The following ASCC3 variants were observed in gnomAD, a reference collection of about 807,000 sequenced individuals.
ASCC3 encodes ASC-1 complex subunit P200.
A neutral mutation model predicts 256.3 loss-of-function variants in ASCC3; 158 were observed. The observed-to-expected ratio is 0.62, with a 90% confidence interval of 0.54 to 0.70. ASCC3 has a LOEUF of 0.70. Ranked by LOEUF, ASCC3 falls within the 30% of genes least tolerant of loss-of-function variation. The pLI is 0.00. For synonymous variants in ASCC3, 948 were observed against 883.4 expected (o/e 1.07, Z -1.30); for missense variants, 2,259 against 2,626.0 (o/e 0.86, Z 3.05).
intron 8 of ASCC3, among the ~76,000 whole-genome samples, chr6:100,793,974 T>A (rs1211395211): frequency 6.6e-6 from 1 of 152,058 alleles, no homozygotes; most frequent in Non-Finnish European, 1.5e-5. Flanking sequence ...CTATATCTCA[T>A]TCTAAATTCT....
chr6:100,753,344 C>T (rs1781029793), intron 10 of ASCC3, among the ~76,000 whole-genome samples: 1 of 149,550 alleles, frequency 6.7e-6, no homozygotes, highest in Admixed American at 6.7e-5. Context: ...AATAGAATGG[C>T]TATCAGCTAT....
chr6:100,829,875 G>T (rs1582929308), intron 4 of ASCC3, among the ~76,000 whole-genome samples: 1 of 152,060 alleles, frequency 6.6e-6, no homozygotes, highest in African/African-American at 2.4e-5. Context: ...TCTTGGCTTT[G>T]GGGGGCATTA....
chr6:100,804,709 T>G (rs1433509624), intron 5 of ASCC3, among the ~76,000 whole-genome samples: 1 of 152,132 alleles, frequency 6.6e-6, no homozygotes, highest in Non-Finnish European at 1.5e-5. Context: ...AGATACCACT[T>G]CACACCAGCC....
intron 11 of ASCC3, 57 bp from the exon 12 acceptor site, chr6:100,718,308 A>C (rs1779176568): frequency 7.0e-7 from 1 of 1,431,876 alleles, no homozygotes. Flanking sequence ...ACCAAAAAAC[A>C]TTATAATTTG....
intron 11 of ASCC3, among the ~76,000 whole-genome samples, chr6:100,719,256 T>C (rs769045209): frequency 6.6e-6 from 1 of 152,090 alleles, no homozygotes. Flanking sequence ...AGAAATCTTA[T>C]AGATATTGGC....
intron 4 of ASCC3, among the ~76,000 whole-genome samples, chr6:100,838,591 CACA>C (rs1771990798): frequency 6.6e-6 from 1 of 151,982 alleles, no homozygotes; most frequent in Non-Finnish European, 1.5e-5. Context: ...ACTTAATCTA[CACA>C]ACAATTTACA....
intron 13 of ASCC3, among the ~76,000 whole-genome samples, chr6:100,700,178 C>T (rs1037105467): frequency 3.3e-5 from 5 of 152,084 alleles, no homozygotes; most frequent in African/African-American, 1.2e-4. Flanking sequence ...GTTTTGTGGG[C>T]TGAACCCAGG....
intron 7 of ASCC3, 94 bp from the exon 8 acceptor site, chr6:100,798,932 G>C: frequency 8.8e-7 from 1 of 1,130,222 alleles, no homozygotes; most frequent in South Asian, 1.4e-5. Flanking sequence ...AACACTACTG[G>C]TTTTATAACA....
intron 13 of ASCC3, among the ~76,000 whole-genome samples, chr6:100,699,282 T>C (rs982815270): frequency 6.6e-6 from 1 of 152,144 alleles, no homozygotes; most frequent in African/African-American, 2.4e-5. Flanking sequence ...TGTGCTGTTC[T>C]TGTGATAGTG....
At chr6:100,608,043 T>C (rs1306085346) in intron 30 of ASCC3, among the ~76,000 whole-genome samples, 4 of 85,944 alleles carry the variant, frequency 4.7e-5, no homozygotes, top group East Asian at 2.6e-4. Flanking sequence ...TATATATACA[T>C]ACATATACAT....
Position 100,718,121 on chromosome 6 carries a change from G to A in ASCC3, c.2033C>T (p.Pro678Leu). 6.2e-7 allele frequency: 1 copy of A among 1,613,576 alleles called. No homozygotes were observed. Among genetic ancestry groups the A allele is most frequent in the Non-Finnish European group, 8.5e-7 (1 of 1,179,744 alleles). ...CAAAAATGTCTGTCCAAGAGGTACT[G>A]GTCGAAAACGGCCATCAAAGAAGAA... ...GLFFFDGRFRPVPLGQTFLGI... is the reference protein window; with the variant it reads ...GLFFFDGRFRLVPLGQTFLGI... The change falls in exon 12 of 42, where the codon CCA becomes CTA. Residue 678 changes from proline (P) to leucine (L), a missense_variant. By Grantham distance (98) the Pro-to-Leu change is moderately conservative. This residue lies in a region of ASCC3 where 1,839 missense variants were observed against 2,206.7 expected (regional missense o/e 0.83). Transcript: ENST00000369162.
At chr6:100,812,963 CAGAT>C (rs148170498) in intron 4 of ASCC3, among the ~76,000 whole-genome samples, 63,876 of 150,758 alleles carry the variant, frequency 0.42, 14,215 homozygotes, top group Middle Eastern at 0.57. Flanking sequence ...GATGGACAGA[CAGAT>C]AGAAAGACAG....
intron 3 of ASCC3, chr6:100,856,334 A>G: frequency 1.1e-6 from 1 of 904,138 alleles, no homozygotes; most frequent in Non-Finnish European, 1.3e-6. Flanking sequence ...TATTATACTT[A>G]TGATACTGTT....
At chr6:100,810,737 T>G (rs1020942255) in intron 4 of ASCC3, among the ~76,000 whole-genome samples, 1 of 152,186 alleles carries the variant, frequency 6.6e-6, no homozygotes, top group Non-Finnish European at 1.5e-5. Context: ...TTTTTGATCT[T>G]GTGTTGTTGT....
intron 4 of ASCC3, among the ~76,000 whole-genome samples, chr6:100,825,189 G>C (rs1771237046): frequency 6.6e-6 from 1 of 152,072 alleles, no homozygotes; most frequent in South Asian, 2.1e-4. Context: ...GTGGCCTGTG[G>C]GCCGCATGTG....
In ASCC3 at chr6:100,521,221, C is replaced by G. The variant is rs145440883; in HGVS notation, c.5776-3079G>C. Among the ~76,000 whole-genome samples, 336 of 152,168 alleles carry G rather than the reference C, an allele frequency of 2.2e-3. 5 individuals are homozygous for G. The highest frequency in any genetic ancestry group is 0.019 in the East Asian group (98 of 5,170). ...AATATATTCTAAGACCCTAACTTTA[C>G]TTAATAATGGCTCTGACGTATAAGA... On this transcript the variant is annotated intron_variant, in intron 37 of 41. Coordinates refer to ENST00000369162, the MANE Select transcript of ASCC3 (RefSeq NM_006828.4).
chr6:100,607,288 A>G, intron 30 of ASCC3, among the ~76,000 whole-genome samples, 200 bp from the exon 31 acceptor site: 1 of 152,106 alleles, frequency 6.6e-6, no homozygotes, highest in East Asian at 1.9e-4. Context: ...TAAACACACT[A>G]AAGTTTAAAT....
intron 1 of ASCC3, among the ~76,000 whole-genome samples, chr6:100,874,715 G>A (rs1251057339): frequency 1.3e-5 from 2 of 152,026 alleles, no homozygotes; most frequent in Admixed American, 6.6e-5. Flanking sequence ...TTACAGTATG[G>A]TTGGGAAGAA....
At chr6:100,666,346 T>C (rs1196385936) in intron 14 of ASCC3, among the ~76,000 whole-genome samples, 2 of 152,166 alleles carry the variant, frequency 1.3e-5, no homozygotes, top group Admixed American at 1.3e-4. Flanking sequence ...ATACCAGGCA[T>C]GAATCTTACG....
Sources: gnomAD v4.1 joint callset for allele counts (sites outside exome capture counted in the v4.1 genomes callset) on GRCh38, gnomAD v4.1.1 for gene constraint, gnomAD v4.1.1 regional missense constraint, MANE v1.5 for transcripts, NCBI Gene and HGNC (gene_info 2026-07-23, HGNC 2026-07-21) for gene names.